PLPP3: variants seen among roughly 807,000 people sequenced by gnomAD.
PLPP3 encodes the protein phospholipid phosphatase 3.
PLPP3 carries 6 observed loss-of-function variants against 29.6 expected under a neutral mutation model. The ratio of observed to expected loss-of-function variants is 0.20; its 90% CI spans 0.11 to 0.40. The LOEUF (loss-of-function observed/expected upper bound fraction) is 0.40. Among genes scored for constraint, PLPP3 ranks in the 10% least tolerant of loss-of-function variants. The pLI is 1.00. For synonymous variants in PLPP3, 152 were observed against 159.7 expected (o/e 0.95, Z 0.36); for missense variants, 308 against 407.7 (o/e 0.76, Z 2.11).
intron 1 of PLPP3, among the ~76,000 whole-genome samples, chr1:56,563,498 C>G (rs1375639534): frequency 6.6e-6 from 1 of 152,136 alleles, no homozygotes; most frequent in African/African-American, 2.4e-5. Context: ...GAAAATTGGC[C>G]AAGTATTCTC....
chr1:56,572,341 C>T (rs926673110), intron 1 of PLPP3, among the ~76,000 whole-genome samples: 14 of 152,164 alleles, frequency 9.2e-5, no homozygotes, highest in Non-Finnish European at 1.6e-4. Context: ...TGAGCCACCA[C>T]GCCTGGCCTT....
chr1:56,524,609 G>C lies in PLPP3; in HGVS notation c.298-55C>G, dbSNP rs1350920859. 3.2e-6 allele frequency: 5 copies of C among 1,556,624 alleles called. No homozygotes were observed. The African/African-American group carries it at 6.8e-5, about 21-fold the overall frequency. ...AGTATCAAGATTCATCATCAACACT[G>C]ATGCCGTAACGGATATTCAACAACA... is the stretch of plus-strand genomic sequence containing the variant. On this transcript the variant is annotated intron_variant, in intron 2 of 5. Transcript: ENST00000371250. This position sits in a 1 kb window ranked among gnomAD's most constrained non-coding sequence, Gnocchi z 4.3.
intron 5 of PLPP3, among the ~76,000 whole-genome samples, chr1:56,505,048 C>T (rs774723392): frequency 6.6e-6 from 1 of 152,212 alleles, no homozygotes; most frequent in Middle Eastern, 3.4e-3. Context: ...CGTGTGGGTG[C>T]CTCTATTGGG....
At chr1:56,566,538 G>A (rs1308571195) in intron 1 of PLPP3, among the ~76,000 whole-genome samples, 6 of 152,114 alleles carry the variant, frequency 3.9e-5, no homozygotes. Flanking sequence ...GTCAGCAATC[G>A]TCATTATTTA....
At chr1:56,506,097 C>T (rs1395994261) in intron 5 of PLPP3, among the ~76,000 whole-genome samples, 1 of 152,186 alleles carries the variant, frequency 6.6e-6, no homozygotes, top group Non-Finnish European at 1.5e-5. Flanking sequence ...TCATTTCATC[C>T]ATTCCCCTGT....
In PLPP3 at chr1:56,512,066, G is replaced by A. The variant is rs746989646; in HGVS notation, c.720C>T (p.Tyr240=). 2.5e-6 allele frequency: 4 copies of A among 1,613,820 alleles called. No homozygotes were observed. Among genetic ancestry groups the A allele is most frequent in the Non-Finnish European group, 3.4e-6 (4 of 1,179,878 alleles). ...LQFTLIMMAF[Y]TGLSRVSDHK... ...GGTCTGATACGCGAGACAGTCCCGT[G>A]TAGAAGGCCATCATGATCAAGGTGA... The change falls in exon 5 of 6, where the codon TAC becomes TAT. Residue 240 remains tyrosine (Y), a synonymous_variant. Coordinates refer to ENST00000371250, the MANE Select transcript of PLPP3 (RefSeq NM_003713.5).
intron 1 of PLPP3, among the ~76,000 whole-genome samples, chr1:56,572,043 G>GGT (rs1553140697): frequency 1.2e-5 from 1 of 85,072 alleles, no homozygotes; most frequent in South Asian, 4.9e-4. Context: ...ATCATTTCTG[G>GGT]TTTTTTTTTT....
chr1:56,561,632 TC>T (rs1646128968), intron 1 of PLPP3, among the ~76,000 whole-genome samples: 1 of 152,214 alleles, frequency 6.6e-6, no homozygotes, highest in Admixed American at 6.5e-5. Context: ...ATACTTTTTT[TC>T]AATGAAAATT....
intron 5 of PLPP3, among the ~76,000 whole-genome samples, chr1:56,506,695 C>T (rs1475971936): frequency 2.0e-5 from 3 of 152,170 alleles, no homozygotes; most frequent in Admixed American, 1.3e-4. Context: ...TCTGTTCCTT[C>T]GTCCTAGTCC....
chr1:56,496,486 G>A lies in PLPP3; in HGVS notation c.*65C>T. On this transcript the variant is annotated 3_prime_UTR_variant, in exon 6 of 6. Coordinates refer to ENST00000371250, the MANE Select transcript of PLPP3 (RefSeq NM_003713.5). ...CTACATTCTACTGTCTGATGAGATT[G>A]GAGAGCAGCAAGAACTTGCTGTCAG... The A allele has an allele frequency of 6.3e-7, 1 of 1,575,842 alleles. No homozygotes were observed. The highest frequency in any genetic ancestry group is 8.7e-7 in the Non-Finnish European group (1 of 1,150,308).
intron 1 of PLPP3, among the ~76,000 whole-genome samples, chr1:56,542,607 C>T (rs1018861014): frequency 8.5e-5 from 13 of 152,056 alleles, no homozygotes; most frequent in Non-Finnish European, 1.3e-4. Flanking sequence ...CCAGGATCTG[C>T]GAGAATAATA....
intron 1 of PLPP3, 90 bp downstream of exon 1, chr1:56,578,788 G>T (rs538741271): frequency 3.2e-6 from 4 of 1,239,230 alleles, no homozygotes; most frequent in Non-Finnish European, 4.0e-6. Context: ...GGCGCGGCGC[G>T]GCGCGGCGCT....
At chr1:56,525,012 T>C (rs1407283884) in intron 2 of PLPP3, among the ~76,000 whole-genome samples, 1 of 152,132 alleles carries the variant, frequency 6.6e-6, no homozygotes, top group Admixed American at 6.6e-5. Context: ...GCCTCAGCCT[T>C]GTGCTGACAT....
intron 1 of PLPP3, among the ~76,000 whole-genome samples, chr1:56,571,815 T>C (rs1646200459): frequency 6.6e-6 from 1 of 152,178 alleles, no homozygotes; most frequent in Admixed American, 6.5e-5. Context: ...CAAGGTAACC[T>C]GACAAGAGCT....
intron 1 of PLPP3, among the ~76,000 whole-genome samples, chr1:56,544,406 C>T (rs533937145): frequency 6.0e-4 from 92 of 152,196 alleles, no homozygotes; most frequent in Non-Finnish European, 1.0e-3. Context: ...GCCAACAGGA[C>T]TCATAATCCT....
chr1:56,543,183 C>G (rs1290612176), intron 1 of PLPP3, among the ~76,000 whole-genome samples: 1 of 152,110 alleles, frequency 6.6e-6, no homozygotes, highest in Non-Finnish European at 1.5e-5. Context: ...CAATTTGGAC[C>G]ACCTATTCAA....
Position 56,529,233 on chromosome 1 carries a change from C to G in PLPP3, c.298-4679G>C, listed in dbSNP as rs370458518. 1.6e-4 allele frequency among the ~76,000 whole-genome samples: 25 copies of G among 152,236 alleles called. No homozygotes were observed. The South Asian group carries it at 4.1e-3, about 25-fold the overall frequency. On this transcript the variant is annotated intron_variant, in intron 2 of 5. Transcript: ENST00000371250. ...AATCACTCTGATAAAAATGAGACAG[C>G]AAGAAGACCATCACTGAAGCTGGGG...
chr1:56,561,649 G>A (rs1236264854), intron 1 of PLPP3, among the ~76,000 whole-genome samples: 1 of 151,450 alleles, frequency 6.6e-6, no homozygotes, highest in East Asian at 1.9e-4. Flanking sequence ...AAATTTTTCA[G>A]CACCTATTAT....
In PLPP3 at chr1:56,578,939, C is replaced by A. The variant is rs757567588; in HGVS notation, c.78G>T (p.Pro26=). The change falls in exon 1 of 6, where the codon CCG becomes CCT. Residue 26 remains proline, a synonymous_variant. Transcript: ENST00000371250. ...NGGSPALNNN[P]RRSGSKRVLL... is the part of the protein sequence containing the mutation. ...GCACCCGCTTGCTGCCGCTCCTCCT[C>A]GGGTTGTTGTTGAGCGCCGGGCTGC... 8 of 1,606,254 alleles carry A rather than the reference C, an allele frequency of 5.0e-6. No individual in the cohort carries two copies. The African/African-American group carries it at 8.2e-5, about 16-fold the overall frequency.
Sources: allele counts gnomAD v4.1 joint callset (sites outside exome capture counted in the v4.1 genomes callset), GRCh38; gene constraint gnomAD v4.1.1; non-coding constraint Gnocchi (gnomAD v3.1); transcripts MANE v1.5; gene names NCBI Gene and HGNC (gene_info 2026-07-23, HGNC 2026-07-21).